The following FAM107B variants were observed in gnomAD, a reference collection of about 807,000 sequenced individuals.
FAM107B encodes the protein family with sequence similarity 107 member B.
In FAM107B, 21 loss-of-function variants were observed where a neutral mutation model predicts 31.5. The observed-to-expected ratio is 0.67, with a 90% CI of 0.47 to 0.96. The LOEUF (loss-of-function observed/expected upper bound fraction) is 0.96. FAM107B is among the 40% of genes least tolerant of loss of function. The pLI, the probability that FAM107B is intolerant of heterozygous loss-of-function variation, is 0.00. For synonymous variants in FAM107B, 157 were observed against 141.5 expected (o/e 1.11, Z -0.78); for missense variants, 452 against 377.1 (o/e 1.20, Z -1.64).
chr10:14,744,527 C>T (rs1345474972), intron 1 of FAM107B, among the ~76,000 whole-genome samples: 1 of 152,076 alleles, frequency 6.6e-6, no homozygotes, highest in African/African-American at 2.4e-5. Context: ...CCCATCAATA[C>T]CTAGTTTATT....
chr10:14,674,941 G>A (rs1009164424), intron 1 of FAM107B, among the ~76,000 whole-genome samples: 6 of 152,132 alleles, frequency 3.9e-5, no homozygotes, highest in Admixed American at 6.6e-5. Flanking sequence ...GTTTTGCCAC[G>A]TTGTGCTCCG....
At chr10:14,625,854 AGCTGCTC>A (rs1853147021) in intron 2 of FAM107B, among the ~76,000 whole-genome samples, 1 of 88,136 alleles carries the variant, frequency 1.1e-5, no homozygotes, top group East Asian at 5.4e-4. Context: ...ACCTCCATGC[AGCTGCTC>A]ATGGATTAAA....
At chr10:14,657,882 C>G (rs1049466395) in intron 2 of FAM107B, among the ~76,000 whole-genome samples, 10 of 151,966 alleles carry the variant, frequency 6.6e-5, no homozygotes, top group Non-Finnish European at 1.3e-4. Flanking sequence ...GCGATCCCAG[C>G]TCACTGCAGC....
chr10:14,521,903 A>G lies in FAM107B; in HGVS notation c.770T>C (p.Ile257Thr), dbSNP rs757141732. 3 of 1,614,098 alleles carry G rather than the reference A, an allele frequency of 1.9e-6. No individual in the cohort carries two copies. The highest frequency in any genetic ancestry group is 2.5e-6 in the Non-Finnish European group (3 of 1,180,006). Residue 257 changes from isoleucine to threonine, a missense_variant, in exon 4 of 5, where the codon ATA becomes ACA. By Grantham distance (89) the Ile-to-Thr change is moderately conservative. Transcript: ENST00000181796. The part of the protein sequence containing the change: ...EAQKKKSDLE[I>T]ELLKRQQKLE... ...CTTCTGCTGCCGTTTTAATAGCTCTATTTCCAAGTCAGATTTCTTCTTCTG... is the reference window on the plus strand; with the variant it reads ...CTTCTGCTGCCGTTTTAATAGCTCTGTTTCCAAGTCAGATTTCTTCTTCTG...
intron 2 of FAM107B, among the ~76,000 whole-genome samples, chr10:14,649,098 G>T (rs1853836691): frequency 6.6e-6 from 1 of 152,162 alleles, no homozygotes; most frequent in African/African-American, 2.4e-5. Context: ...ACCAGTTCAG[G>T]CCATGATGGG....
chr10:14,582,667 A>G (rs141349445), intron 2 of FAM107B, among the ~76,000 whole-genome samples: 260 of 151,170 alleles, frequency 1.7e-3, no homozygotes, highest in African/African-American at 2.3e-3. Context: ...GTGAGCCACC[A>G]CACCCAGCCT....
chr10:14,579,160 AAAT>A (rs1851556163), intron 2 of FAM107B, among the ~76,000 whole-genome samples: 1 of 152,216 alleles, frequency 6.6e-6, no homozygotes, highest in African/African-American at 2.4e-5. Context: ...TTTGCTTCTG[AAAT>A]AATTACCAAT....
At chr10:14,680,815 C>G (rs987710025) in intron 1 of FAM107B, among the ~76,000 whole-genome samples, 1 of 152,178 alleles carries the variant, frequency 6.6e-6, no homozygotes, top group Non-Finnish European at 1.5e-5. Context: ...AAGCCTTCAT[C>G]AAGACTTCAT....
At chr10:14,759,738 T>C (rs1833005704) in intron 1 of FAM107B, among the ~76,000 whole-genome samples, 1 of 151,588 alleles carries the variant, frequency 6.6e-6, no homozygotes, top group East Asian at 1.9e-4. Context: ...TTAGATGGAG[T>C]CTCACCTCTG....
chr10:14,660,081 A>G (rs544350102), intron 2 of FAM107B, among the ~76,000 whole-genome samples: 130 of 152,266 alleles, frequency 8.5e-4, no homozygotes, highest in African/African-American at 3.0e-3. Flanking sequence ...GGTGACCTTT[A>G]GCAAAAAGAG....
intron 1 of FAM107B, among the ~76,000 whole-genome samples, chr10:14,689,038 A>G (rs1564626476): frequency 6.6e-6 from 1 of 152,166 alleles, no homozygotes; most frequent in Non-Finnish European, 1.5e-5. Context: ...TTGACTGAGC[A>G]TCTACTATGT....
chr10:14,644,070 G>C (rs77194457), intron 2 of FAM107B, among the ~76,000 whole-genome samples: 8 of 152,164 alleles, frequency 5.3e-5, no homozygotes, highest in African/African-American at 1.7e-4. Context: ...AAGAATGAAG[G>C]ATATTTCCTC....
chr10:14,533,546 G>A (rs1445322837), intron 2 of FAM107B, among the ~76,000 whole-genome samples: 1 of 152,160 alleles, frequency 6.6e-6, no homozygotes, highest in African/African-American at 2.4e-5. Context: ...ACTCGCTCTC[G>A]TTTACCTGAC....
chr10:14,545,490 T>C (rs1178565123), intron 2 of FAM107B, among the ~76,000 whole-genome samples: 6 of 152,174 alleles, frequency 3.9e-5, no homozygotes, highest in Non-Finnish European at 5.9e-5. Flanking sequence ...TAAGTGAACA[T>C]TAAATACCAG....
rs111730234 is a variant in FAM107B, at chr10:14,639,698, G to A, written c.469+27936C>T. On this transcript the variant is annotated intron_variant, in intron 2 of 4. Coordinates refer to ENST00000181796, the MANE Select transcript of FAM107B (RefSeq NM_031453.4). Reference sequence around the variant, plus strand: ...TGTCCAGCTTAAAACACCTCTAATGGCTTCCACGGAGCATAGACTGCCCCC... The same window carrying A: ...TGTCCAGCTTAAAACACCTCTAATGACTTCCACGGAGCATAGACTGCCCCC... 7.5e-3 allele frequency among the ~76,000 whole-genome samples: 1,140 copies of A among 152,100 alleles called. 8 individuals are homozygous for A. The highest frequency in any genetic ancestry group is 0.013 in the Non-Finnish European group (850 of 67,992).
At chr10:14,667,540 G>T (rs915263528) in intron 2 of FAM107B, 94 bp downstream of exon 2, 3 of 1,279,594 alleles carry the variant, frequency 2.3e-6, no homozygotes, top group South Asian at 1.3e-5. Context: ...GAACATACAG[G>T]TTTTCCTTTG....
intron 2 of FAM107B, among the ~76,000 whole-genome samples, chr10:14,613,292 A>C (rs1439974217): frequency 2.0e-5 from 3 of 152,196 alleles, no homozygotes; most frequent in Admixed American, 2.0e-4. Context: ...CAATGAATTG[A>C]ATTGGCAATT....
intron 2 of FAM107B, among the ~76,000 whole-genome samples, chr10:14,637,585 A>G (rs1381826141): frequency 1.3e-5 from 2 of 152,176 alleles, no homozygotes; most frequent in Non-Finnish European, 1.5e-5. Context: ...CTGAGGCTGC[A>G]ATGAGCTGTG....
chr10:14,689,806 AT>A (rs1340845799), intron 1 of FAM107B, among the ~76,000 whole-genome samples: 1 of 151,924 alleles, frequency 6.6e-6, no homozygotes, highest in Non-Finnish European at 1.5e-5. Context: ...ACAAAACAAA[AT>A]TTTTAATTAG....
Sources: allele counts gnomAD v4.1 joint callset (sites outside exome capture counted in the v4.1 genomes callset), GRCh38; gene constraint gnomAD v4.1.1; transcripts MANE v1.5; gene names NCBI Gene and HGNC (gene_info 2026-07-23, HGNC 2026-07-21).